The following MGAT4C variants were observed in gnomAD, a reference collection of about 807,000 sequenced individuals.
MGAT4C encodes the protein alpha-1,3-mannosyl-glycoprotein 4-beta-N-acetylglucosaminyltransferase C.
In MGAT4C, 19 loss-of-function variants were observed where a neutral mutation model predicts 40.1. The ratio of observed to expected loss-of-function variants is 0.47; its 90% CI spans 0.33 to 0.70. The LOEUF (loss-of-function observed/expected upper bound fraction) is 0.70. Among genes scored for constraint, MGAT4C ranks in the 30% least tolerant of loss-of-function variants. The pLI, the probability that MGAT4C is intolerant of heterozygous loss-of-function variation, is 0.02. For synonymous variants in MGAT4C, 181 were observed against 187.1 expected, an observed-to-expected ratio of 0.97 and a Z score of 0.27; for missense variants, 491 against 563.2, an observed-to-expected ratio of 0.87 and a Z score of 1.30.
At chr12:85,987,416 C>T (rs1483681341) in intron 3 of MGAT4C, among the ~76,000 whole-genome samples, 2 of 151,940 alleles carry the variant, frequency 1.3e-5, no homozygotes, top group African/African-American at 4.8e-5. Flanking sequence ...GGATTACAGG[C>T]GTGAGCCACC....
chr12:86,190,781 T>C (rs1481681232), intron 1 of MGAT4C, among the ~76,000 whole-genome samples: 1 of 152,092 alleles, frequency 6.6e-6, no homozygotes, highest in African/African-American at 2.4e-5. Flanking sequence ...AGGACTAATA[T>C]CTACTTTAAA....
chr12:86,803,641 T>A (rs1952278631), intron 1 of MGAT4C, among the ~76,000 whole-genome samples: 2 of 150,168 alleles, frequency 1.3e-5, no homozygotes, highest in African/African-American at 4.9e-5. Context: ...AAGACATTTA[T>A]GCAGCCAAAA....
chr12:86,549,263 A>G (rs934132528), intron 2 of MGAT4C, among the ~76,000 whole-genome samples: 2 of 152,044 alleles, frequency 1.3e-5, no homozygotes, highest in Non-Finnish European at 2.9e-5. Context: ...TATTGTATAT[A>G]ATTTTTAAAT....
At chr12:86,547,043 G>A (rs949245400) in intron 2 of MGAT4C, among the ~76,000 whole-genome samples, 1 of 151,810 alleles carries the variant, frequency 6.6e-6, no homozygotes, top group Admixed American at 6.6e-5. Context: ...TTTTTCCAGG[G>A]TAAATCAGAT....
chr12:86,176,104 C>G (rs914516108), intron 1 of MGAT4C, among the ~76,000 whole-genome samples: 1 of 152,204 alleles, frequency 6.6e-6, no homozygotes, highest in Admixed American at 6.5e-5. Context: ...GATCCTGGAA[C>G]CAAACTTTGA....
intron 1 of MGAT4C, among the ~76,000 whole-genome samples, chr12:86,232,098 G>T (rs892414123): frequency 1.7e-4 from 24 of 145,002 alleles, no homozygotes; most frequent in African/African-American, 5.6e-4. Flanking sequence ...TAGCGCCACC[G>T]TACTCCAGCC....
intron 2 of MGAT4C, among the ~76,000 whole-genome samples, chr12:86,516,869 C>T (rs1043169180): frequency 5.9e-5 from 9 of 152,034 alleles, no homozygotes; most frequent in African/African-American, 1.4e-4. Context: ...AAATCAAAGA[C>T]GTATATAAAC....
intron 2 of MGAT4C, among the ~76,000 whole-genome samples, chr12:86,617,865 G>T (rs1962504629): frequency 6.6e-6 from 1 of 152,042 alleles, no homozygotes; most frequent in African/African-American, 2.4e-5. Flanking sequence ...TTTCTGCATA[G>T]CAAATGAAAC....
At chr12:86,511,510 A>T (rs1958584958) in intron 2 of MGAT4C, among the ~76,000 whole-genome samples, 1 of 152,114 alleles carries the variant, frequency 6.6e-6, no homozygotes, top group African/African-American at 2.4e-5. Context: ...CATGTTTTAA[A>T]TCTACAGTAA....
chr12:86,806,546 G>A (rs1311590325), intron 1 of MGAT4C, among the ~76,000 whole-genome samples: 3 of 151,780 alleles, frequency 2.0e-5, no homozygotes, highest in African/African-American at 7.3e-5. Context: ...TTACTGAACA[G>A]TTCCATTACC....
Position 86,774,396 on chromosome 12 carries a change from C to CCTCT in MGAT4C, c.-261-47159_-261-47156dup, listed in dbSNP as rs148122088. On this transcript the variant is annotated intron_variant, in intron 1 of 7. Coordinates refer to the MGAT4C transcript ENST00000548651. ...TTTCTGTCTGTCTCTCTCTCTCTCT[C>CCTCT]CTCTCTCTCTCTCTCTCTCTCTCTC... is the stretch of plus-strand genomic sequence containing the variant. 5.2e-3 allele frequency among the ~76,000 whole-genome samples: 478 copies of CCTCT among 92,258 alleles called. 54 individuals carry two copies. The highest frequency in any genetic ancestry group is 0.016 in the Admixed American group (132 of 8,498). The allele number at this position is 92,258 out of a possible 152,430, so 60.5% of individuals were successfully genotyped here.
At chr12:86,604,803 A>C (rs1467109419) in intron 2 of MGAT4C, among the ~76,000 whole-genome samples, 1 of 152,182 alleles carries the variant, frequency 6.6e-6, no homozygotes, top group Non-Finnish European at 1.5e-5. Context: ...TAAAGATAGA[A>C]TTAAAAATAA....
rs1203816547 is a variant in MGAT4C at position 86,362,859 on chromosome 12, T to C, written c.-119-28732A>G. 1.9e-4 allele frequency among the ~76,000 whole-genome samples: 13 copies of C among 70,206 alleles called. No homozygotes were observed. In the East Asian group the frequency reaches 4.3e-3, roughly 23 times the overall value. The allele number at this position is 70,206 out of a possible 152,430, so 46.1% of individuals were successfully genotyped here. ...TCCCGCCTGGGTGACAGAGCGAGACTCCATCTCAAAAAAAAAAAAAAAAAA... is the reference window on the plus strand; with the variant it reads ...TCCCGCCTGGGTGACAGAGCGAGACCCCATCTCAAAAAAAAAAAAAAAAAA... On this transcript the variant is annotated intron_variant, in intron 3 of 7. Transcript: ENST00000548651.
In MGAT4C at chr12:85,979,202, TC is replaced by T; in HGVS notation, c.*86del. The T allele has an allele frequency of 9.9e-7, 1 of 1,010,162 alleles. No homozygotes were observed. Among genetic ancestry groups the T allele is most frequent in the East Asian group, 2.4e-5 (1 of 41,096 alleles). 62.6% of individuals were successfully genotyped at this position (1,010,162 alleles called of 1,614,324 possible). A position where few individuals can be genotyped will look rare whatever the true frequency, so the allele number is the denominator to read the frequency against. ...TTAATGTTTCTTTTAACATATCCCA[TC>T]CATTGCTTTCCCTCCAAAAGACAAA... On this transcript the variant is annotated 3_prime_UTR_variant, in exon 5 of 5. Transcript: ENST00000611864.
intron 1 of MGAT4C, among the ~76,000 whole-genome samples, chr12:86,059,997 T>A (rs1030045999): frequency 5.9e-5 from 9 of 152,138 alleles, no homozygotes; most frequent in Admixed American, 5.9e-4. Context: ...TTCAAGACTT[T>A]TCTTTTGTTA....
At chr12:86,364,137 G>A (rs1955542527) in intron 3 of MGAT4C, among the ~76,000 whole-genome samples, 1 of 151,828 alleles carries the variant, frequency 6.6e-6, no homozygotes. Context: ...ATAATTTGTG[G>A]AGGAAATTAC....
chr12:86,524,614 T>C (rs1565825208), intron 2 of MGAT4C, among the ~76,000 whole-genome samples: 1 of 152,180 alleles, frequency 6.6e-6, no homozygotes, highest in Non-Finnish European at 1.5e-5. Context: ...TATTGGTCTC[T>C]CTAGTTTCAT....
chr12:86,830,496 T>C (rs1952900532), intron 1 of MGAT4C, among the ~76,000 whole-genome samples: 1 of 151,840 alleles, frequency 6.6e-6, no homozygotes, highest in Non-Finnish European at 1.5e-5. Flanking sequence ...ATTTAGTGAA[T>C]ACTATCTTTA....
intron 1 of MGAT4C, among the ~76,000 whole-genome samples, chr12:86,778,312 GTAAA>G (rs1216262033): frequency 6.6e-6 from 1 of 152,110 alleles, no homozygotes; most frequent in African/African-American, 2.4e-5. Context: ...AATAAGCTGC[GTAAA>G]TAAAGAGAAG....
Sources: gnomAD v4.1 joint callset for allele counts (sites outside exome capture counted in the v4.1 genomes callset) on GRCh38, gnomAD v4.1.1 for gene constraint, MANE v1.5 for transcripts, NCBI Gene and HGNC (gene_info 2026-07-23, HGNC 2026-07-21) for gene names.